The following ROR2 variants were observed in gnomAD, a reference collection of about 807,000 sequenced individuals.
ROR2 encodes tyrosine-protein kinase transmembrane receptor ROR2.
In ROR2, 33 loss-of-function variants were observed where a neutral mutation model predicts 74.9. That is an observed-to-expected ratio of 0.44 (90% confidence interval 0.33 to 0.59). ROR2 has a LOEUF of 0.59. Among genes scored for constraint, ROR2 ranks in the 20% least tolerant of loss-of-function variants. The pLI is 0.02. For missense variants in ROR2, 1,216 were observed against 1,313.8 expected, an observed-to-expected ratio of 0.93 and a Z score of 1.15; for synonymous variants, 586 against 558.7, an observed-to-expected ratio of 1.05 and a Z score of -0.69.
At chr9:91,842,374 C>T (rs1222346715) in intron 1 of ROR2, among the ~76,000 whole-genome samples, 1 of 152,192 alleles carries the variant, frequency 6.6e-6, no homozygotes, top group East Asian at 1.9e-4. Context: ...CTCCTTTAAT[C>T]CTCACAATGA....
At chr9:91,854,669 G>A (rs1829220640) in intron 1 of ROR2, among the ~76,000 whole-genome samples, 1 of 152,240 alleles carries the variant, frequency 6.6e-6, no homozygotes, top group Non-Finnish European at 1.5e-5. Flanking sequence ...GGGCCCTGGA[G>A]TCTCCGCTGC....
chr9:91,752,937 G>T (rs191363096), intron 4 of ROR2, among the ~76,000 whole-genome samples: 1 of 152,290 alleles, frequency 6.6e-6, no homozygotes, highest in African/African-American at 2.4e-5. Context: ...GCATCTAGCT[G>T]GTGAGTATAC....
intron 1 of ROR2, among the ~76,000 whole-genome samples, chr9:91,801,546 T>G (rs1012110751): frequency 6.6e-6 from 1 of 152,190 alleles, no homozygotes; most frequent in Non-Finnish European, 1.5e-5. Flanking sequence ...TTGGCCACGA[T>G]GGTCTTGATC....
chr9:91,767,284 A>G lies in ROR2; in HGVS notation c.175+8457T>C, dbSNP rs531360571. 2.6e-5 allele frequency among the ~76,000 whole-genome samples: 4 copies of G among 152,166 alleles called. No individual in the cohort carries two copies. The East Asian group carries it at 5.8e-4, about 22-fold the overall frequency. On this transcript the variant is annotated intron_variant, in intron 2 of 8. Coordinates refer to ENST00000375708, the MANE Select transcript of ROR2 (RefSeq NM_004560.4). ...GAGACGGGGTTTCACTATGTTGGCC[A>G]TGATGGTCTTGATCTCCTGACCTCG...
chr9:91,882,377 C>T (rs1023195141), intron 1 of ROR2, among the ~76,000 whole-genome samples: 3 of 150,216 alleles, frequency 2.0e-5, no homozygotes, highest in Admixed American at 6.7e-5. Flanking sequence ...TGCCATTGCA[C>T]TCCAGCCCAG....
At chr9:91,829,381 A>G (rs1828389157) in intron 1 of ROR2, among the ~76,000 whole-genome samples, 1 of 151,948 alleles carries the variant, frequency 6.6e-6, no homozygotes, top group Non-Finnish European at 1.5e-5. Flanking sequence ...CGTCTCTACT[A>G]AAACACACAC....
chr9:91,830,430 C>G (rs759915496), intron 1 of ROR2, among the ~76,000 whole-genome samples: 1 of 152,188 alleles, frequency 6.6e-6, no homozygotes, highest in African/African-American at 2.4e-5. Flanking sequence ...TATGACCACA[C>G]CACTGCACTC....
chr9:91,804,528 C>T (rs753896268), intron 1 of ROR2, among the ~76,000 whole-genome samples: 1 of 152,206 alleles, frequency 6.6e-6, no homozygotes, highest in South Asian at 2.1e-4. Flanking sequence ...ATGCTCATCT[C>T]CTGAGGAGAG....
At chr9:91,852,587 T>C (rs578016504) in intron 1 of ROR2, among the ~76,000 whole-genome samples, 1 of 147,674 alleles carries the variant, frequency 6.8e-6, no homozygotes, top group South Asian at 2.1e-4. Flanking sequence ...TGGATTCAGT[T>C]GAAAGGGCAG....
At chr9:91,882,476 C>G (rs1462425126) in intron 1 of ROR2, among the ~76,000 whole-genome samples, 3 of 150,740 alleles carry the variant, frequency 2.0e-5, no homozygotes, top group African/African-American at 7.3e-5. Context: ...GGAAGGTGGT[C>G]TCCAATTGAC....
At chr9:91,797,744 C>T (rs35969472) in intron 1 of ROR2, among the ~76,000 whole-genome samples, 1 of 51,478 alleles carries the variant, frequency 1.9e-5, no homozygotes, top group African/African-American at 1.1e-4. Flanking sequence ...GCTCTGTGGG[C>T]GGGGCTGACA....
chr9:91,728,908 C>T (rs1837138661), intron 7 of ROR2, among the ~76,000 whole-genome samples: 1 of 152,204 alleles, frequency 6.6e-6, no homozygotes. Flanking sequence ...TCCAGCCCTA[C>T]TGATAAACAG....
chr9:91,844,589 AG>A (rs1182126823), intron 1 of ROR2, among the ~76,000 whole-genome samples: 8 of 152,202 alleles, frequency 5.3e-5, no homozygotes, highest in African/African-American at 1.9e-4. Context: ...TCTTAGTTTT[AG>A]GAGGCAGCGG....
chr9:91,949,420 G>A (rs1832107649), intron 1 of ROR2, among the ~76,000 whole-genome samples: 1 of 151,972 alleles, frequency 6.6e-6, no homozygotes, highest in East Asian at 2.0e-4. Context: ...TGGGGGTGGG[G>A]GGACGCTCCG....
chr9:91,800,750 C>T (rs193002393), intron 1 of ROR2, among the ~76,000 whole-genome samples: 3 of 152,362 alleles, frequency 2.0e-5, no homozygotes, highest in Admixed American at 1.3e-4. Flanking sequence ...GCGGGCTTCA[C>T]GTGTAGTTAC....
chr9:91,814,727 G>T (rs1563978296), intron 1 of ROR2, among the ~76,000 whole-genome samples: 1 of 152,184 alleles, frequency 6.6e-6, no homozygotes, highest in African/African-American at 2.4e-5. Flanking sequence ...AAAATGACAG[G>T]GTTCTGCCTT....
chr9:91,807,441 C>A (rs1827604592), intron 1 of ROR2, among the ~76,000 whole-genome samples: 1 of 152,234 alleles, frequency 6.6e-6, no homozygotes, highest in Non-Finnish European at 1.5e-5. Context: ...CTTTGTAATA[C>A]CCTTCAAATA....
chr9:91,934,341 T>C (rs1409887586), intron 1 of ROR2, among the ~76,000 whole-genome samples: 5 of 152,128 alleles, frequency 3.3e-5, no homozygotes, highest in African/African-American at 9.7e-5. Flanking sequence ...AGGGGCCACT[T>C]AGAGATATCT....
chr9:91,830,834 G>A (rs1421359122), intron 1 of ROR2, among the ~76,000 whole-genome samples: 1 of 151,648 alleles, frequency 6.6e-6, no homozygotes, highest in African/African-American at 2.4e-5. Flanking sequence ...GTGTGTGTGT[G>A]TGTGTGTGTG....
Sources: gnomAD v4.1 joint callset for allele counts (sites outside exome capture counted in the v4.1 genomes callset) on GRCh38, gnomAD v4.1.1 for gene constraint, MANE v1.5 for transcripts, NCBI Gene and HGNC (gene_info 2026-07-23, HGNC 2026-07-21) for gene names.